The following UBE4B variants were observed in gnomAD, a reference collection of about 807,000 sequenced individuals.
The protein encoded by UBE4B is ubiquitin conjugation factor E4 B.
Under a neutral mutation model 148.1 loss-of-function variants are expected in UBE4B, and 27 were observed. The ratio of observed to expected loss-of-function variants is 0.18; its 90% CI spans 0.13 to 0.25. The LOEUF is 0.25. Ranked by LOEUF, UBE4B falls within the 10% of genes least tolerant of loss-of-function variation. UBE4B has a pLI of 1.00. For synonymous variants in UBE4B, 596 were observed against 619.3 expected (o/e 0.96, Z 0.56); for missense variants, 1,170 against 1,662.4 (o/e 0.70, Z 5.15).
chr1:10,171,224 C>G lies in UBE4B; in HGVS notation c.3420C>G (p.Asn1140Lys), dbSNP rs776476371. 1.9e-6 allele frequency: 3 copies of G among 1,614,188 alleles called. No individual in the cohort carries two copies. Among genetic ancestry groups the G allele is most frequent in the Non-Finnish European group, 2.5e-6 (3 of 1,180,040 alleles). Residue 1140 changes from asparagine to lysine, a missense_variant, in exon 25 of 28, where the codon AAC becomes AAG. Around this residue, in one of 6 missense-constraint regions of UBE4B, gnomAD observed 348 missense variants for 627.2 expected, o/e 0.55. Transcript: ENST00000343090. Reference sequence around the variant, plus strand: ...AGTGCCGTGACCTGAAAGTTGAAAACCCTGAGAAATACGGCTTTGAACCAA... The same window carrying G: ...AGTGCCGTGACCTGAAAGTTGAAAAGCCTGAGAAATACGGCTTTGAACCAA... ...GPKCRDLKVE[N>K]PEKYGFEPKK...
intron 5 of UBE4B, 152 bp downstream of exon 5, chr1:10,103,244 T>G: frequency 1.5e-6 from 1 of 677,238 alleles, no homozygotes; most frequent in South Asian, 2.9e-5. Context: ...CACAATTGTT[T>G]AGCCACTTTC....
At chr1:10,036,557 A>G (rs979133254) in intron 1 of UBE4B, among the ~76,000 whole-genome samples, 1 of 151,656 alleles carries the variant, frequency 6.6e-6, no homozygotes, top group African/African-American at 2.4e-5. Context: ...ATGGTCTCAA[A>G]CTCCTGACCT....
chr1:10,135,343 T>A (rs1018616013), intron 16 of UBE4B, among the ~76,000 whole-genome samples, 157 bp downstream of exon 16: 1 of 152,028 alleles, frequency 6.6e-6, no homozygotes, highest in Admixed American at 6.6e-5. Context: ...TGGTGACTCA[T>A]ACCTATAATC....
intron 3 of UBE4B, among the ~76,000 whole-genome samples, chr1:10,097,057 A>T (rs1158416413): frequency 5.3e-5 from 8 of 150,786 alleles, no homozygotes; most frequent in African/African-American, 1.9e-4. Flanking sequence ...AAAAAAAATA[A>T]TAATAATAAT....
At chr1:10,133,370 C>T (rs974989895) in intron 15 of UBE4B, among the ~76,000 whole-genome samples, 1 of 152,158 alleles carries the variant, frequency 6.6e-6, no homozygotes, top group Non-Finnish European at 1.5e-5. Context: ...TGCTAAGCTG[C>T]GGTACTACTG....
intron 26 of UBE4B, 71 bp downstream of exon 26, chr1:10,178,889 C>T (rs1470049416): frequency 1.6e-5 from 24 of 1,464,620 alleles, no homozygotes; most frequent in East Asian, 4.8e-5. Flanking sequence ...TACAAGAGGA[C>T]GTCCTGTGCA....
intron 1 of UBE4B, among the ~76,000 whole-genome samples, chr1:10,043,005 T>A (rs931687826): frequency 9.5e-5 from 13 of 136,714 alleles, no homozygotes; most frequent in Non-Finnish European, 1.7e-4. Context: ...TCATTCATTC[T>A]TTTTTTTTTT....
chr1:10,175,030 A>G (rs1295489632), intron 25 of UBE4B, among the ~76,000 whole-genome samples: 1 of 152,180 alleles, frequency 6.6e-6, no homozygotes, highest in Non-Finnish European at 1.5e-5. Flanking sequence ...TTGCAGGTAA[A>G]GAAACTGAGA....
chr1:10,103,399 C>CTTTATTTA lies in UBE4B; in HGVS notation c.580+351_580+358dup, dbSNP rs149354050. Reference sequence around the variant, plus strand: ...GAAGGTGCTTAGAGCATTACCTCCTCTTTATTTATTTATTTATTTATTTAT... The same window carrying CTTTATTTA: ...GAAGGTGCTTAGAGCATTACCTCCTCTTTATTTATTTATTTATTTATTTATTTATTTAT... On this transcript the variant is annotated intron_variant, in intron 5 of 27. Transcript: ENST00000343090. Among the ~76,000 whole-genome samples, 22 of 135,550 alleles carry CTTTATTTA rather than the reference C, an allele frequency of 1.6e-4. 1 individual carries two copies. Among genetic ancestry groups the CTTTATTTA allele is most frequent in the African/African-American group, 4.3e-4 (16 of 36,824 alleles). The allele number at this position is 135,550 out of a possible 152,430, so 88.9% of individuals were successfully genotyped here.
intron 1 of UBE4B, among the ~76,000 whole-genome samples, chr1:10,070,168 G>A (rs1242553567): frequency 6.6e-6 from 1 of 151,848 alleles, no homozygotes; most frequent in Admixed American, 6.6e-5. Flanking sequence ...CAGCTACTTG[G>A]GAGGCTGAGA....
chr1:10,150,090 G>T (rs113503105), intron 20 of UBE4B, among the ~76,000 whole-genome samples: 1 of 151,934 alleles, frequency 6.6e-6, no homozygotes, highest in Non-Finnish European at 1.5e-5. Context: ...TAAAATAAGG[G>T]CCAAAAGTAA....
At chr1:10,174,759 T>C (rs545247359) in intron 25 of UBE4B, among the ~76,000 whole-genome samples, 1 of 150,538 alleles carries the variant, frequency 6.6e-6, no homozygotes, top group African/African-American at 2.4e-5. Flanking sequence ...GTGTGTGTGC[T>C]GATTGTTGGG....
chr1:10,144,875 C>A, intron 17 of UBE4B, 65 bp from the exon 18 acceptor site: 1 of 1,205,186 alleles, frequency 8.3e-7, no homozygotes, highest in Non-Finnish European at 1.2e-6. Flanking sequence ...GTGAAATGAG[C>A]AAGATGAATG....
At position 10,035,363 on chromosome 1, in the gene UBE4B, G is replaced by A. The variant is rs948871042; in HGVS notation, c.24+1669G>A. ...TTTTCATTAATGTTAATTCTAGTGA[G>A]TAATTTCTCTTAAGGCAGAGATACT... is the stretch of plus-strand genomic sequence containing the variant. On this transcript the variant is annotated intron_variant, in intron 1 of 27. Coordinates refer to ENST00000343090, the MANE Select transcript of UBE4B (RefSeq NM_001105562.3). 5.1e-5 allele frequency among the ~76,000 whole-genome samples: 7 copies of A among 137,604 alleles called. No homozygotes were observed. The East Asian group carries it at 1.5e-3, about 30-fold the overall frequency. The allele number at this position is 137,604 out of a possible 152,430, so 90.3% of individuals were successfully genotyped here. A position where few individuals can be genotyped will look rare whatever the true frequency, so the allele number is the denominator to read the frequency against.
rs553541856 is a variant in UBE4B at position 10,131,041 on chromosome 1, A to C, written c.1911+228A>C. 8.0e-4 allele frequency among the ~76,000 whole-genome samples: 122 copies of C among 152,350 alleles called. 1 individual carries two copies. Among genetic ancestry groups the C allele is most frequent in the African/African-American group, 2.7e-3 (113 of 41,582 alleles). On this transcript the variant is annotated intron_variant, in intron 14 of 27. Coordinates refer to ENST00000343090, the MANE Select transcript of UBE4B (RefSeq NM_001105562.3). ...TGTAGCATCACTGGGAACTGGTCCT[A>C]AGCTTAGTGGCCCGGCTCCTCCTCC... is the stretch of plus-strand genomic sequence containing the variant.
chr1:10,115,164 C>CCTTT (rs1165016829), intron 7 of UBE4B, among the ~76,000 whole-genome samples: 10 of 137,024 alleles, frequency 7.3e-5, no homozygotes, highest in Non-Finnish European at 6.4e-5. Flanking sequence ...TAATACCATA[C>CCTTT]TTTTTTTTTT....
At chr1:10,129,953 G>A (rs548255928) in intron 12 of UBE4B, among the ~76,000 whole-genome samples, 1 of 151,386 alleles carries the variant, frequency 6.6e-6, no homozygotes, top group Non-Finnish European at 1.5e-5. Context: ...CACCGGGCCT[G>A]TTTTTTTTCC....
At chr1:10,063,913 A>G (rs899043962) in intron 1 of UBE4B, among the ~76,000 whole-genome samples, 1 of 151,352 alleles carries the variant, frequency 6.6e-6, no homozygotes. Context: ...TCTCAATGAA[A>G]AAAAAAAAAA....
At chr1:10,149,601 A>G (rs1645937387) in intron 20 of UBE4B, among the ~76,000 whole-genome samples, 1 of 152,242 alleles carries the variant, frequency 6.6e-6, no homozygotes, top group East Asian at 1.9e-4. Context: ...GAACATCCCA[A>G]AACCAGAAAT....
Sources: allele counts gnomAD v4.1 joint callset (sites outside exome capture counted in the v4.1 genomes callset), GRCh38; gene constraint gnomAD v4.1.1; regional missense constraint gnomAD v4.1.1; transcripts MANE v1.5; gene names NCBI Gene and HGNC (gene_info 2026-07-23, HGNC 2026-07-21).